The following WFS1 variants were observed in gnomAD, a reference collection of about 807,000 sequenced individuals.
WFS1 encodes wolframin ER transmembrane glycoprotein, also known as wolframin.
A neutral mutation model predicts 68.5 loss-of-function variants in WFS1; 90 were observed. The ratio of observed to expected loss-of-function variants is 1.31; its 90% CI spans 1.11 to 1.56. WFS1 has a LOEUF of 1.56. Among genes scored for constraint, WFS1 ranks in the 40% most tolerant of loss-of-function variants. WFS1 has a pLI of 0.00. For synonymous variants in WFS1, 860 were observed against 540.7 expected (o/e 1.59, Z -8.19); for missense variants, 1,767 against 1,232.6 (o/e 1.43, Z -6.49).
chr4:6,287,243 T>C lies in WFS1; in HGVS notation c.315+68T>C. 2 of 1,373,510 alleles carry C rather than the reference T, an allele frequency of 1.5e-6. No individual in the cohort carries two copies. The highest frequency in any genetic ancestry group is 2.0e-6 in the Non-Finnish European group (2 of 987,680). The allele number at this position is 1,373,510 out of a possible 1,614,324, so 85.1% of individuals were successfully genotyped here. On this transcript the variant is annotated intron_variant, in intron 3 of 7. Transcript: ENST00000226760. This position sits in a 1 kb window ranked among gnomAD's most constrained non-coding sequence, Gnocchi z 6.4. ...CGGCACAACAGGCCTGGCCACGAGC[T>C]CCACAGCCCACAGAGAAGTGTCGGT... is the stretch of plus-strand genomic sequence containing the variant.
At chr4:6,271,278 G>C (rs1729831883) in intron 1 of WFS1, among the ~76,000 whole-genome samples, 1 of 152,224 alleles carries the variant, frequency 6.6e-6, no homozygotes, top group Non-Finnish European at 1.5e-5. Context: ...CTACCTGCTG[G>C]TTTGTCCTCC....
intron 1 of WFS1, among the ~76,000 whole-genome samples, chr4:6,270,329 G>A (rs1019871947): frequency 2.0e-5 from 3 of 151,494 alleles, no homozygotes; most frequent in Non-Finnish European, 4.4e-5. Flanking sequence ...CGGCCGGCGG[G>A]CAGGCCCCCT....
intron 7 of WFS1, among the ~76,000 whole-genome samples, chr4:6,298,577 C>T (rs943538935): frequency 1.3e-5 from 2 of 151,984 alleles, no homozygotes; most frequent in African/African-American, 2.4e-5. Flanking sequence ...CATGCACACA[C>T]TCCTAAACAC....
rs568459535 is a variant in WFS1, at chr4:6,278,111, A to G, written c.232+424A>G. On this transcript the variant is annotated intron_variant, in intron 2 of 7. Coordinates refer to ENST00000226760, the MANE Select transcript of WFS1 (RefSeq NM_006005.3). ...TGGTGCTGAGTTTCCCCTCTCCCTGAGGGAGACTTGTGAGGGACGGGCGTC... is the reference window on the plus strand; with the variant it reads ...TGGTGCTGAGTTTCCCCTCTCCCTGGGGGAGACTTGTGAGGGACGGGCGTC... Among the ~76,000 whole-genome samples, 13 of 152,296 alleles carry G rather than the reference A, an allele frequency of 8.5e-5. No homozygotes were observed. The South Asian group carries it at 2.5e-3, about 29-fold the overall frequency.
chr4:6,289,682 C>T (rs901684762), intron 4 of WFS1, among the ~76,000 whole-genome samples: 3 of 152,286 alleles, frequency 2.0e-5, no homozygotes, highest in Non-Finnish European at 4.4e-5. Context: ...TGAGTTAGGA[C>T]GTTGTCCTGC....
At position 6,301,943 on chromosome 4, in the gene WFS1, C is replaced by G; in HGVS notation, c.2148C>G (p.Ala716=). The G allele has an allele frequency of 6.2e-7, 1 of 1,612,824 alleles. No individual in the cohort carries two copies. Among genetic ancestry groups the G allele is most frequent in the African/African-American group, 1.3e-5 (1 of 75,048 alleles). The part of the protein sequence containing the change: ...YVRVTDIDNS[A]ESAINMLPFF... ...GCGTGACTGACATCGACAACAGCGC[C>G]GAGTCTGCCATCAACATGCTCCCGT... The change falls in exon 8 of 8, where the codon GCC becomes GCG. Residue 716 remains alanine (A), a synonymous_variant. Transcript: ENST00000226760.
Position 6,301,998 on chromosome 4 carries a change from T to C in WFS1, c.2203T>C (p.Tyr735His). 3 of 1,612,722 alleles carry C rather than the reference T, an allele frequency of 1.9e-6. No individual in the cohort carries two copies. The highest frequency in any genetic ancestry group is 2.5e-6 in the Non-Finnish European group (3 of 1,179,910). ...CATCGGCGACTGGATGCGCTGCCTC[T>C]ACGGCGAGGCCTACCCTGCCTGCAG... ...FFIGDWMRCL[Y>H]GEAYPACSPG... Residue 735 changes from tyrosine to histidine, a missense_variant, in exon 8 of 8, where the codon TAC becomes CAC. Coordinates refer to ENST00000226760, the MANE Select transcript of WFS1 (RefSeq NM_006005.3).
intron 1 of WFS1, among the ~76,000 whole-genome samples, chr4:6,272,525 G>T (rs2109104701): frequency 6.6e-6 from 1 of 152,330 alleles, no homozygotes; most frequent in Middle Eastern, 3.4e-3. Context: ...GTGCCAGGGG[G>T]CTGGGTCAGG....
intron 1 of WFS1, among the ~76,000 whole-genome samples, chr4:6,277,016 G>T (rs531114425): frequency 6.6e-6 from 1 of 152,346 alleles, no homozygotes; most frequent in African/African-American, 2.4e-5. Context: ...TCAAAGACCT[G>T]TTTTTCCAAA....
intron 2 of WFS1, 74 bp downstream of exon 2, chr4:6,277,761 C>A: frequency 1.3e-6 from 2 of 1,505,904 alleles, no homozygotes; most frequent in Non-Finnish European, 1.8e-6. Context: ...TTCAGCCACC[C>A]CTGGAGGGTC....
rs373431795 is a variant in WFS1, at chr4:6,302,147, C to T, written c.2352C>T (p.Ser784=). Residue 784 remains serine (S), a synonymous_variant, in exon 8 of 8, where the codon AGC becomes AGT. Coordinates refer to ENST00000226760, the MANE Select transcript of WFS1 (RefSeq NM_006005.3). ...KFEITVGMPF[S]SGADGSRSRE... ...AGATTACCGTGGGCATGCCATTCAG[C>T]AGCGGCGCTGACGGCTCGCGCAGCC... The T allele has an allele frequency of 1.5e-5, 24 of 1,612,880 alleles. No individual in the cohort carries two copies. The African/African-American group carries it at 2.4e-4, about 16-fold the overall frequency.
intron 7 of WFS1, among the ~76,000 whole-genome samples, chr4:6,296,188 G>A (rs1730634739): frequency 6.6e-6 from 1 of 152,240 alleles, no homozygotes; most frequent in South Asian, 2.1e-4. Context: ...CTCGAGCCAG[G>A]GAGAAGGTCA....
In WFS1 at chr4:6,287,173, G is replaced by A. The variant is rs1434000254; in HGVS notation, c.313G>A (p.Glu105Lys). Reference protein sequence around the residue: ...AKAGDPKAQTEVGKHYLQLAG... With the variant: ...AKAGDPKAQTKVGKHYLQLAG... The stretch of plus-strand genomic sequence containing the variant: ...GGCCGGGGACCCCAAGGCACAGACT[G>A]AGGTGAGGACTGCGGTGCCGGCAGG... Residue 105 changes from glutamate to lysine, a missense_variant and splice_region_variant, in exon 3 of 8, where the codon GAG becomes AAG. Transcript: ENST00000226760. The surrounding 1 kb of genome is among the most constrained non-coding windows in gnomAD (Gnocchi z 6.4). 2 of 1,557,712 alleles carry A rather than the reference G, an allele frequency of 1.3e-6. No individual in the cohort carries two copies. Among genetic ancestry groups the A allele is most frequent in the Non-Finnish European group, 1.7e-6 (2 of 1,149,626 alleles).
rs1730228217 is a variant in WFS1, at chr4:6,283,746, C to T, written c.233-3347C>T. ...CAGGTGGGGGTGCGGGCCTTCTGTG[C>T]AGCGCAGGGGAGGGGGCAGTGCCAC... On this transcript the variant is annotated intron_variant, in intron 2 of 7. Coordinates refer to ENST00000226760, the MANE Select transcript of WFS1 (RefSeq NM_006005.3). The surrounding 1 kb of genome is among the most constrained non-coding windows in gnomAD (Gnocchi z 5.0). 6.6e-6 allele frequency among the ~76,000 whole-genome samples: 1 copy of T among 152,314 alleles called. No individual in the cohort carries two copies. The highest frequency in any genetic ancestry group is 6.5e-5 in the Admixed American group (1 of 15,302).
At chr4:6,285,577 C>T (rs905713964) in intron 2 of WFS1, among the ~76,000 whole-genome samples, 1 of 152,202 alleles carries the variant, frequency 6.6e-6, no homozygotes, top group Admixed American at 6.5e-5. Flanking sequence ...CTGCCACCTG[C>T]GACTTTTGAG....
intron 7 of WFS1, among the ~76,000 whole-genome samples, chr4:6,299,517 GTGTGAATGTGTATA>G (rs1730769919): frequency 3.4e-5 from 5 of 145,994 alleles, no homozygotes; most frequent in African/African-American, 1.3e-4. Context: ...GGTTGCGTGT[GTGTGAATGTGTATA>G]GGGGTGGGTT....
At chr4:6,293,614 C>T (rs1730531043) in intron 6 of WFS1, among the ~76,000 whole-genome samples, 1 of 152,126 alleles carries the variant, frequency 6.6e-6, no homozygotes, top group South Asian at 2.1e-4. Context: ...TCCTTAGAGC[C>T]CTCTCCCCCA....
In WFS1 at chr4:6,301,973, C is replaced by T. The variant is rs958667398; in HGVS notation, c.2178C>T (p.Phe726=). 1 of 1,612,816 alleles carries T rather than the reference C, an allele frequency of 6.2e-7. No individual in the cohort carries two copies. Among genetic ancestry groups the T allele is most frequent in the Non-Finnish European group, 8.5e-7 (1 of 1,179,946 alleles). ...AESAINMLPF[F]IGDWMRCLYG... ...CTGCCATCAACATGCTCCCGTTCTTCATCGGCGACTGGATGCGCTGCCTCT... is the reference window on the plus strand; with the variant it reads ...CTGCCATCAACATGCTCCCGTTCTTTATCGGCGACTGGATGCGCTGCCTCT... The change falls in exon 8 of 8, where the codon TTC becomes TTT. Residue 726 remains phenylalanine, a synonymous_variant. Coordinates refer to ENST00000226760, the MANE Select transcript of WFS1 (RefSeq NM_006005.3).
intron 1 of WFS1, among the ~76,000 whole-genome samples, chr4:6,273,112 G>C (rs956158248): frequency 1.3e-5 from 2 of 152,236 alleles, no homozygotes; most frequent in Non-Finnish European, 2.9e-5. Flanking sequence ...GCACTGGCTT[G>C]GGAGATGGGG....
Sources: gnomAD v4.1 joint callset for allele counts (sites outside exome capture counted in the v4.1 genomes callset) on GRCh38, gnomAD v4.1.1 for gene constraint, Gnocchi (gnomAD v3.1) non-coding constraint, MANE v1.5 for transcripts, NCBI Gene and HGNC (gene_info 2026-07-23, HGNC 2026-07-21) for gene names.